Variants in CES1 observed in about 807,000 individuals in gnomAD.
CES1 encodes the protein liver carboxylesterase 1.
Under a neutral mutation model 53.0 loss-of-function variants are expected in CES1, and 50 were observed. The observed-to-expected ratio is 0.94, with a 90% CI of 0.75 to 1.19. The LOEUF (loss-of-function observed/expected upper bound fraction) is 1.19, where lower values mean the gene tolerates loss of function less well. Ranked by LOEUF, CES1 falls within the 50% of genes most tolerant of loss-of-function variation. CES1 has a pLI of 0.00. For synonymous variants in CES1, 202 were observed against 210.1 expected, an observed-to-expected ratio of 0.96 and a Z score of 0.33; for missense variants, 534 against 538.0, an observed-to-expected ratio of 0.99 and a Z score of 0.07.
At chr16:55,820,141 A>T in intron 6 of CES1, 1 of 579,900 alleles carries the variant, frequency 1.7e-6, no homozygotes, top group Admixed American at 2.9e-5. Context: ...TGCCCTGATC[A>T]CCTGCTGCCC....
At chr16:55,821,283 T>C (rs1451937661) in intron 5 of CES1, 85 bp downstream of exon 5, 1 of 1,529,486 alleles carries the variant, frequency 6.5e-7, no homozygotes, top group South Asian at 1.1e-5. Context: ...ATCAGAGGTA[T>C]CCATAGCTGG....
intron 1 of CES1, among the ~76,000 whole-genome samples, chr16:55,830,247 G>A (rs1443599604): frequency 1.3e-5 from 2 of 152,190 alleles, no homozygotes; most frequent in Non-Finnish European, 2.9e-5. Context: ...ACCCTGCAAT[G>A]TCAATATTTA....
At chr16:55,819,744 G>A (rs2032096196) in intron 6 of CES1, 105 bp from the exon 7 acceptor site, 3 of 976,058 alleles carry the variant, frequency 3.1e-6, no homozygotes, top group Non-Finnish European at 4.9e-6. Context: ...CTAGTGGCAG[G>A]GAGCAGCAGA....
At position 55,813,960 on chromosome 16, in the gene CES1, C is replaced by T. The variant is rs1405837536; in HGVS notation, c.946-917G>A. Among the ~76,000 whole-genome samples the T allele has an allele frequency of 2.0e-5, 3 of 152,322 alleles. No homozygotes were observed. The East Asian group carries it at 5.8e-4, about 29-fold the overall frequency. ...CAAATCCAGCTTCCCCTGCTCTGTA[C>T]CTGCCTGTGTGTGACCATGAAAGTG... On this transcript the variant is annotated intron_variant, in intron 8 of 13. Transcript: ENST00000360526.
At chr16:55,818,992 A>G (rs2032060907) in intron 7 of CES1, among the ~76,000 whole-genome samples, 1 of 152,256 alleles carries the variant, frequency 6.6e-6, no homozygotes, top group African/African-American at 2.4e-5. Context: ...AAAAGATATG[A>G]GTGAATTGGA....
At chr16:55,832,872 C>G in intron 1 of CES1, 132 bp downstream of exon 1, 1 of 896,102 alleles carries the variant, frequency 1.1e-6, no homozygotes, top group Non-Finnish European at 1.9e-6. Flanking sequence ...AGTCCAAGTC[C>G]TAATATGGAA....
chr16:55,811,202 A>T (rs2142314842), intron 9 of CES1, among the ~76,000 whole-genome samples, 192 bp from the exon 10 acceptor site: 1 of 111,896 alleles, frequency 8.9e-6, no homozygotes, highest in South Asian at 2.7e-4. Context: ...CAAGCATTGC[A>T]AAGTTTACAA....
intron 11 of CES1, among the ~76,000 whole-genome samples, chr16:55,809,248 C>T (rs1307552503): frequency 6.6e-6 from 1 of 152,164 alleles, no homozygotes; most frequent in Non-Finnish European, 1.5e-5. Context: ...TAAGAAAGAA[C>T]AGATTCAACT....
In CES1 at chr16:55,809,510, C is replaced by T. The variant is rs189991071; in HGVS notation, c.1318+1007G>A. 1.4e-4 allele frequency among the ~76,000 whole-genome samples: 22 copies of T among 152,332 alleles called. No homozygotes were observed. In the East Asian group the frequency reaches 2.9e-3, roughly 20 times the overall value. ...TCCTGTGAATCTCCTCTAGCTGGCA[C>T]GCAGGAACAGACACTCCTCTCTAGG... On this transcript the variant is annotated intron_variant, in intron 11 of 13. Transcript: ENST00000360526.
rs113679509 is a variant in CES1 at position 55,830,432 on chromosome 16, C to G, written c.53-1458G>C. Among the ~76,000 whole-genome samples the G allele has an allele frequency of 5.2e-3, 792 of 152,080 alleles. 5 individuals carry two copies. The highest frequency in any genetic ancestry group is 9.4e-3 in the Non-Finnish European group (638 of 67,986). On this transcript the variant is annotated intron_variant, in intron 1 of 13. Coordinates refer to ENST00000360526, the MANE Select transcript of CES1 (RefSeq NM_001025195.2). ...TCCGGTCTTCACCTGAAATCCTCCCCCCCATCTTAATTATTTTAAAATTTT... is the reference window on the plus strand; with the variant it reads ...TCCGGTCTTCACCTGAAATCCTCCCGCCCATCTTAATTATTTTAAAATTTT...
intron 8 of CES1, 43 bp from the exon 9 acceptor site, chr16:55,813,086 C>T: frequency 6.2e-7 from 1 of 1,612,510 alleles, no homozygotes; most frequent in East Asian, 2.2e-5. Context: ...CCTCCCTAGT[C>T]ACACCCATGT....
chr16:55,832,512 G>A (rs1270358126), intron 1 of CES1, among the ~76,000 whole-genome samples: 3 of 152,200 alleles, frequency 2.0e-5, no homozygotes, highest in Non-Finnish European at 2.9e-5. Flanking sequence ...AGCCCAGTGA[G>A]GTAGGCAGCA....
rs2307228 is a variant in CES1, at chr16:55,826,134, G to A, written c.405+17C>T. ...ACTGGCACTGACACGCCTTGACCAG[G>A]GGGTCCCACAACTTACCGGCAGCCT... On this transcript the variant is annotated intron_variant, in intron 3 of 13. Coordinates refer to ENST00000360526, the MANE Select transcript of CES1 (RefSeq NM_001025195.2). 563 of 1,613,972 alleles carry A rather than the reference G, an allele frequency of 3.5e-4. 3 individuals are homozygous for A. In the African/African-American group the frequency reaches 5.7e-3, roughly 16 times the overall value.
In CES1 at chr16:55,820,289, C is replaced by T. The variant is rs1159870971; in HGVS notation, c.801+83G>A. ...GGAGAACATTAGCTACAACCGACCA[C>T]AAGAGAGATCCCTGAGGATTCAGGA... On this transcript the variant is annotated intron_variant, in intron 6 of 13. Transcript: ENST00000360526. 4.0e-5 allele frequency: 36 copies of T among 891,806 alleles called. No individual in the cohort carries two copies. The Admixed American group carries it at 7.3e-4, about 18-fold the overall frequency. 55.2% of individuals were successfully genotyped at this position (891,806 alleles called of 1,614,324 possible). A position where few individuals can be genotyped will look rare whatever the true frequency, so the allele number is the denominator to read the frequency against.
At chr16:55,825,460 G>A (rs1280981232) in intron 3 of CES1, among the ~76,000 whole-genome samples, 2 of 152,202 alleles carry the variant, frequency 1.3e-5, no homozygotes, top group Admixed American at 6.5e-5. Context: ...GGGAAATTCT[G>A]ACTCACTGGG....
In CES1 at chr16:55,816,962, T is replaced by C. The variant is rs537106281; in HGVS notation, c.907A>G (p.Lys303Glu). 69 of 1,614,134 alleles carry C rather than the reference T, an allele frequency of 4.3e-5. No homozygotes were observed. The East Asian group carries it at 1.5e-3, about 36-fold the overall frequency. Residue 303 changes from lysine (K) to glutamate (E), a missense_variant and splice_region_variant, in exon 8 of 14, where the codon AAA becomes GAA. Physicochemically the swap from Lys to Glu is moderately conservative, Grantham distance 56. This residue lies in a region of CES1 where 269 missense variants were observed against 206.6 expected (regional missense o/e 1.30). Coordinates refer to ENST00000360526, the MANE Select transcript of CES1 (RefSeq NM_001025195.2). ...CCCTGTAAGTCCAGAGATAAGAATT[T>C]CTGTGAAGACAAAGGCAGAGGATGT... ...EELLETTLKM[K>E]FLSLDLQGDP...
intron 5 of CES1, among the ~76,000 whole-genome samples, chr16:55,820,811 C>T (rs200152121): frequency 6.6e-6 from 1 of 152,104 alleles, no homozygotes; most frequent in African/African-American, 2.4e-5. Flanking sequence ...CCTCTGCCTG[C>T]CTCCCCTAGC....
At chr16:55,828,217 G>A (rs1169013482) in intron 2 of CES1, 1 of 198,504 alleles carries the variant, frequency 5.0e-6, no homozygotes, top group Non-Finnish European at 1.1e-5. Context: ...TGGCCAGGGT[G>A]AATGGACACA....
chr16:55,822,582 A>G (rs1313545739), intron 4 of CES1, among the ~76,000 whole-genome samples: 2 of 152,012 alleles, frequency 1.3e-5, no homozygotes, highest in Non-Finnish European at 2.9e-5. Context: ...GGCACCCTTT[A>G]GACAGCCAGG....
Sources: gnomAD v4.1 joint callset for allele counts (sites outside exome capture counted in the v4.1 genomes callset) on GRCh38, gnomAD v4.1.1 for gene constraint, gnomAD v4.1.1 regional missense constraint, MANE v1.5 for transcripts, NCBI Gene and HGNC (gene_info 2026-07-23, HGNC 2026-07-21) for gene names.